Variants in CDH13 observed in about 807,000 individuals in gnomAD.
CDH13 encodes cadherin 13.
CDH13 carries 24 observed loss-of-function variants against 63.8 expected under a neutral mutation model. That is an observed-to-expected ratio of 0.38 (90% CI 0.27 to 0.53). The LOEUF (loss-of-function observed/expected upper bound fraction) is 0.53. Ranked by LOEUF, CDH13 falls within the 20% of genes least tolerant of loss-of-function variation. The pLI is 0.85. For missense variants in CDH13, 1,049 were observed against 903.1 expected (o/e 1.16, Z -2.07); for synonymous variants, 503 against 355.3 (o/e 1.42, Z -4.67).
chr16:83,492,508 C>T (rs1395079501), intron 7 of CDH13, among the ~76,000 whole-genome samples: 2 of 152,044 alleles, frequency 1.3e-5, no homozygotes, highest in Non-Finnish European at 2.9e-5. Context: ...TTTTTTATCA[C>T]TTGCTGCTGT....
chr16:82,736,217 C>T lies in CDH13; in HGVS notation c.45+109080C>T, dbSNP rs531792751. Among the ~76,000 whole-genome samples, 3 of 152,284 alleles carry T rather than the reference C, an allele frequency of 2.0e-5. No individual in the cohort carries two copies. In the South Asian group the frequency reaches 6.2e-4, roughly 32 times the overall value. On this transcript the variant is annotated intron_variant, in intron 1 of 13. Coordinates refer to ENST00000567109, the MANE Select transcript of CDH13 (RefSeq NM_001257.5). ...TCTTTAAACTGCTTTGATGGAAGAA[C>T]ACCCAGGGTGTAATGGGCACCTGGG...
intron 2 of CDH13, among the ~76,000 whole-genome samples, chr16:82,962,783 C>A (rs1263031970): frequency 1.3e-5 from 2 of 152,120 alleles, no homozygotes; most frequent in African/African-American, 4.8e-5. Flanking sequence ...TATCTTGTAA[C>A]AGTAATGAGC....
At chr16:82,911,468 A>C (rs1202569431) in intron 2 of CDH13, among the ~76,000 whole-genome samples, 1 of 152,178 alleles carries the variant, frequency 6.6e-6, no homozygotes, top group African/African-American at 2.4e-5. Flanking sequence ...CAGGGGCTAC[A>C]TACGGAATCT....
chr16:83,480,852 A>T (rs780806035), intron 6 of CDH13, among the ~76,000 whole-genome samples: 1 of 152,184 alleles, frequency 6.6e-6, no homozygotes, highest in Non-Finnish European at 1.5e-5. Context: ...AAAATGCTAG[A>T]ATTTAAAATA....
At chr16:83,247,668 C>A (rs1905103950) in intron 5 of CDH13, among the ~76,000 whole-genome samples, 1 of 152,178 alleles carries the variant, frequency 6.6e-6, no homozygotes, top group African/African-American at 2.4e-5. Context: ...TTATCTACAT[C>A]ATTTTTCACT....
At chr16:82,764,750 C>T (rs2034985032) in intron 1 of CDH13, among the ~76,000 whole-genome samples, 2 of 151,574 alleles carry the variant, frequency 1.3e-5, no homozygotes, top group Non-Finnish European at 2.9e-5. Flanking sequence ...GTCCCTTTAT[C>T]TCTTTATCTT....
At chr16:82,709,874 G>C (rs1385823325) in intron 1 of CDH13, among the ~76,000 whole-genome samples, 2 of 152,126 alleles carry the variant, frequency 1.3e-5, no homozygotes, top group African/African-American at 4.8e-5. Context: ...AAAACAGATA[G>C]AGCTGTCCAA....
At chr16:83,283,246 C>A (rs990387821) in intron 5 of CDH13, among the ~76,000 whole-genome samples, 1 of 152,130 alleles carries the variant, frequency 6.6e-6, no homozygotes, top group Non-Finnish European at 1.5e-5. Flanking sequence ...GGCCCTACCC[C>A]AGACAAGTTG....
intron 2 of CDH13, among the ~76,000 whole-genome samples, chr16:83,000,748 T>A (rs1475871820): frequency 1.3e-5 from 2 of 151,720 alleles, no homozygotes; most frequent in African/African-American, 4.8e-5. Context: ...CCCGGCTAAT[T>A]TTTTGTATTT....
Position 82,626,983 on chromosome 16 carries a change from C to A in CDH13, c.-110C>A. 1.6e-6 allele frequency: 2 copies of A among 1,285,184 alleles called. No individual in the cohort carries two copies. Among genetic ancestry groups the A allele is most frequent in the Non-Finnish European group, 2.2e-6 (2 of 904,892 alleles). The allele number at this position is 1,285,184 out of a possible 1,614,324, so 79.6% of individuals were successfully genotyped here. On this transcript the variant is annotated 5_prime_UTR_variant, in exon 1 of 14. In the 5' UTR this introduces an upstream ATG that the reference lacks. Coordinates refer to ENST00000567109, the MANE Select transcript of CDH13 (RefSeq NM_001257.5). ...GCTGCTGATCTATTTGGGAAGTTGGCTGGCTGGCGAGGCAGAGCCTCTCCT... is the reference window on the plus strand; with the variant it reads ...GCTGCTGATCTATTTGGGAAGTTGGATGGCTGGCGAGGCAGAGCCTCTCCT...
chr16:83,349,074 C>T lies in CDH13; in HGVS notation c.781+4068C>T, dbSNP rs117842737. Among the ~76,000 whole-genome samples, 574 of 152,288 alleles carry T rather than the reference C, an allele frequency of 3.8e-3. 3 individuals are homozygous for T. The highest frequency in any genetic ancestry group is 0.017 in the Middle Eastern group (5 of 294). ...TGTATGTGCAGACAGGAGACCATTCCGGCTGCTCAGCACTGAACTCCGGGG... is the reference window on the plus strand; with the variant it reads ...TGTATGTGCAGACAGGAGACCATTCTGGCTGCTCAGCACTGAACTCCGGGG... On this transcript the variant is annotated intron_variant, in intron 6 of 13. Transcript: ENST00000567109.
At chr16:83,509,135 T>C (rs1360333297) in intron 7 of CDH13, among the ~76,000 whole-genome samples, 3 of 152,192 alleles carry the variant, frequency 2.0e-5, no homozygotes, top group African/African-American at 7.2e-5. Context: ...CTTCCCATAC[T>C]TAGGGTCACC....
At chr16:83,272,271 C>T (rs1442500610) in intron 5 of CDH13, among the ~76,000 whole-genome samples, 1 of 152,122 alleles carries the variant, frequency 6.6e-6, no homozygotes, top group Non-Finnish European at 1.5e-5. Flanking sequence ...ATGATAAGAC[C>T]TGTGTAGAAT....
At chr16:83,130,213 G>C (rs991973739) in intron 4 of CDH13, among the ~76,000 whole-genome samples, 6 of 152,182 alleles carry the variant, frequency 3.9e-5, no homozygotes, top group Non-Finnish European at 7.3e-5. Context: ...CTATTATGTT[G>C]AATTCTTATG....
chr16:83,326,839 C>T (rs535004383), intron 5 of CDH13, among the ~76,000 whole-genome samples: 5 of 152,250 alleles, frequency 3.3e-5, no homozygotes, highest in East Asian at 3.9e-4. Context: ...TTGTCATGTG[C>T]CCTGTCTGTA....
At chr16:83,304,603 A>T (rs2089830401) in intron 5 of CDH13, among the ~76,000 whole-genome samples, 1 of 152,196 alleles carries the variant, frequency 6.6e-6, no homozygotes. Flanking sequence ...GGCCAGCTGG[A>T]TAAATAAATG....
intron 1 of CDH13, among the ~76,000 whole-genome samples, chr16:82,782,540 A>G (rs2035804914): frequency 7.5e-6 from 1 of 134,114 alleles, no homozygotes; most frequent in Non-Finnish European, 1.6e-5. Flanking sequence ...CGACAGTGCC[A>G]GACTCCATCT....
intron 8 of CDH13, among the ~76,000 whole-genome samples, chr16:83,628,228 G>A (rs1910492085): frequency 6.6e-6 from 1 of 152,176 alleles, no homozygotes; most frequent in African/African-American, 2.4e-5. Flanking sequence ...GTTCAAGATG[G>A]TGTTGATCTG....
chr16:83,200,519 C>T (rs762904191), intron 4 of CDH13, among the ~76,000 whole-genome samples: 5 of 152,152 alleles, frequency 3.3e-5, no homozygotes, highest in African/African-American at 4.8e-5. Context: ...CCTGTCTACA[C>T]GTAGCCTCTA....
Sources: allele counts gnomAD v4.1 joint callset (sites outside exome capture counted in the v4.1 genomes callset), GRCh38; gene constraint gnomAD v4.1.1; transcripts MANE v1.5; gene names NCBI Gene and HGNC (gene_info 2026-07-23, HGNC 2026-07-21).